The following PCNX1 variants were observed in gnomAD, a reference collection of about 807,000 sequenced individuals.
PCNX1 encodes pecanex-like protein 1.
Under a neutral mutation model 242.2 loss-of-function variants are expected in PCNX1, and 78 were observed. The ratio of observed to expected loss-of-function variants is 0.32; its 90% CI spans 0.27 to 0.39. The LOEUF (loss-of-function observed/expected upper bound fraction) is 0.39. PCNX1 is among the 10% of genes least tolerant of loss of function. The pLI, the probability that PCNX1 is intolerant of heterozygous loss-of-function variation, is 1.00. For synonymous variants in PCNX1, 1,024 were observed against 1,032.9 expected (o/e 0.99, Z 0.17); for missense variants, 2,581 against 2,856.5 (o/e 0.90, Z 2.20).
intron 26 of PCNX1, among the ~76,000 whole-genome samples, chr14:71,061,796 G>A (rs761960857): frequency 6.6e-6 from 1 of 152,142 alleles, no homozygotes; most frequent in Non-Finnish European, 1.5e-5. Context: ...ACCATGGTGT[G>A]GACAAGGATG....
Position 70,962,244 on chromosome 14 carries a change from T to G in PCNX1, c.381T>G (p.Ile127Met). Reference sequence around the variant, plus strand: ...TCCACAGTGATCCTGGTGGAGGGATTGAAATGTCTGAGTTCATCCGAGAGG... The same window carrying G: ...TCCACAGTGATCCTGGTGGAGGGATGGAAATGTCTGAGTTCATCCGAGAGG... ...SNGPSDPGGG[I>M]EMSEFIREAT... Residue 127 changes from isoleucine (I) to methionine (M), a missense_variant, in exon 3 of 36, where the codon ATT becomes ATG. Ile to Met is a conservative substitution (Grantham distance 10). Coordinates refer to ENST00000304743, the MANE Select transcript of PCNX1 (RefSeq NM_014982.3). The G allele has an allele frequency of 6.2e-7, 1 of 1,610,178 alleles. No individual in the cohort carries two copies. Among genetic ancestry groups the G allele is most frequent in the Non-Finnish European group, 8.5e-7 (1 of 1,176,420 alleles).
At chr14:71,102,259 A>C in intron 31 of PCNX1, 39 bp downstream of exon 31, 1 of 1,497,412 alleles carries the variant, frequency 6.7e-7, no homozygotes, top group Non-Finnish European at 9.3e-7. Flanking sequence ...AAAACATAGA[A>C]GTTGAATAAC....
intron 13 of PCNX1, among the ~76,000 whole-genome samples, chr14:71,024,055 G>T (rs1449779868): frequency 6.6e-6 from 1 of 152,046 alleles, no homozygotes; most frequent in Non-Finnish European, 1.5e-5. Context: ...AGTTGGAAGG[G>T]CAGTACAAAG....
At chr14:70,920,263 GC>G (rs2056326921) in intron 1 of PCNX1, among the ~76,000 whole-genome samples, 1 of 152,154 alleles carries the variant, frequency 6.6e-6, no homozygotes, top group East Asian at 1.9e-4. Flanking sequence ...TAACATTAGT[GC>G]AATGCTATTA....
chr14:71,050,132 T>C (rs1263640841), intron 22 of PCNX1, among the ~76,000 whole-genome samples: 1 of 151,766 alleles, frequency 6.6e-6, no homozygotes, highest in Non-Finnish European at 1.5e-5. Context: ...ATATATGTAT[T>C]ACTTAAGCTT....
Position 70,907,696 on chromosome 14 carries a change from G to C in PCNX1, c.-155G>C. 1.1e-6 allele frequency: 1 copy of C among 917,986 alleles called. No individual in the cohort carries two copies. The highest frequency in any genetic ancestry group is 1.7e-5 in the African/African-American group (1 of 57,152). The allele number at this position is 917,986 out of a possible 1,614,324, so 56.9% of individuals were successfully genotyped here. A position where few individuals can be genotyped will look rare whatever the true frequency, so the allele number is the denominator to read the frequency against. On this transcript the variant is annotated 5_prime_UTR_variant, in exon 1 of 36. Transcript: ENST00000304743. ...TTTGCTGCCTCCTCCTCCTCCTGCA[G>C]CAGCACCAGCGACCGCCGAAGCGCC...
chr14:71,073,424 C>A (rs1045208465), intron 26 of PCNX1, 121 bp from the exon 27 acceptor site: 3 of 928,674 alleles, frequency 3.2e-6, no homozygotes, highest in African/African-American at 3.3e-5. Context: ...TAAGGCAAAT[C>A]CATCACATAC....
chr14:70,995,512 A>G (rs1322579244), intron 7 of PCNX1, among the ~76,000 whole-genome samples: 1 of 152,180 alleles, frequency 6.6e-6, no homozygotes, highest in Non-Finnish European at 1.5e-5. Context: ...ACCAATTTAC[A>G]TGTACATTTA....
At position 70,907,826 on chromosome 14, in the gene PCNX1, G is replaced by GCGACGGCGGCGGCGC. The variant is rs2055626672; in HGVS notation, c.-22_-8dup. On this transcript the variant is annotated 5_prime_UTR_variant, in exon 1 of 36. Coordinates refer to ENST00000304743, the MANE Select transcript of PCNX1 (RefSeq NM_014982.3). ...GGCGGGGACGGCGGCGGCGGCGGCGGCGACGGCGGCGGCGCCGGGTGGGGA... is the reference window on the plus strand; with the variant it reads ...GGCGGGGACGGCGGCGGCGGCGGCGGCGACGGCGGCGGCGCCGACGGCGGCGGCGCCGGGTGGGGA... The GCGACGGCGGCGGCGC allele has an allele frequency of 8.0e-7, 1 of 1,254,240 alleles. No homozygotes were observed. The allele number at this position is 1,254,240 out of a possible 1,614,324, so 77.7% of individuals were successfully genotyped here. A position where few individuals can be genotyped will look rare whatever the true frequency, so the allele number is the denominator to read the frequency against.
intron 19 of PCNX1, 77 bp downstream of exon 19, chr14:71,036,234 A>C: frequency 1.1e-6 from 1 of 884,358 alleles, no homozygotes. Flanking sequence ...GCTGGAGTGC[A>C]GTGTTGCGAT....
At chr14:70,912,978 G>C (rs1210645896) in intron 1 of PCNX1, among the ~76,000 whole-genome samples, 4 of 152,194 alleles carry the variant, frequency 2.6e-5, no homozygotes, top group Non-Finnish European at 5.9e-5. Flanking sequence ...CACAGAGGCT[G>C]AGCCTGATAA....
chr14:71,025,914 T>C (rs2060231548), intron 13 of PCNX1, among the ~76,000 whole-genome samples: 1 of 152,070 alleles, frequency 6.6e-6, no homozygotes. Flanking sequence ...CACACTGATA[T>C]TTCTGTTTCA....
chr14:70,972,612 C>G (rs937886287), intron 5 of PCNX1, among the ~76,000 whole-genome samples: 1 of 152,176 alleles, frequency 6.6e-6, no homozygotes, highest in African/African-American at 2.4e-5. Flanking sequence ...GGTACTCTTA[C>G]TCCTCTGGTT....
At chr14:70,994,955 C>T (rs907170127) in intron 7 of PCNX1, among the ~76,000 whole-genome samples, 1 of 151,774 alleles carries the variant, frequency 6.6e-6, no homozygotes, top group African/African-American at 2.4e-5. Context: ...ACTAGTTTCC[C>T]AATTATTTTA....
intron 35 of PCNX1, 44 bp downstream of exon 35, chr14:71,109,636 T>C (rs1470782612): frequency 1.2e-6 from 2 of 1,610,462 alleles, no homozygotes; most frequent in Non-Finnish European, 1.7e-6. Flanking sequence ...CTGCCTTTTT[T>C]GAAGTCCGCC....
intron 9 of PCNX1, among the ~76,000 whole-genome samples, chr14:71,010,804 T>C (rs1200068698): frequency 1.3e-5 from 2 of 152,108 alleles, no homozygotes; most frequent in Non-Finnish European, 2.9e-5. Flanking sequence ...TTTTTTTGTT[T>C]TGAGGGACCA....
In PCNX1 at chr14:71,019,893, G is replaced by A. The variant is rs551676214; in HGVS notation, c.3150+731G>A. Among the ~76,000 whole-genome samples the A allele has an allele frequency of 1.1e-4, 16 of 151,966 alleles. 1 individual carries two copies. The East Asian group carries it at 1.4e-3, about 13-fold the overall frequency. ...CATCCCACCATGCACCCATCAACCCGTCATCTACATTAGGTATTTCTCCTA... is the reference window on the plus strand; with the variant it reads ...CATCCCACCATGCACCCATCAACCCATCATCTACATTAGGTATTTCTCCTA... On this transcript the variant is annotated intron_variant, in intron 12 of 35. Transcript: ENST00000304743.
chr14:71,021,211 T>C (rs972212070), intron 12 of PCNX1, among the ~76,000 whole-genome samples: 1 of 151,952 alleles, frequency 6.6e-6, no homozygotes, highest in Admixed American at 6.6e-5. Flanking sequence ...TCCAGCTTTA[T>C]TTTTTTTGCT....
intron 2 of PCNX1, among the ~76,000 whole-genome samples, chr14:70,953,728 G>T (rs2057884342): frequency 6.8e-6 from 1 of 147,500 alleles, no homozygotes; most frequent in Non-Finnish European, 1.5e-5. Context: ...GGAGTGCAGT[G>T]GCACAGTCTC....
Sources: allele counts gnomAD v4.1 joint callset (sites outside exome capture counted in the v4.1 genomes callset), GRCh38; gene constraint gnomAD v4.1.1; transcripts MANE v1.5; gene names NCBI Gene and HGNC (gene_info 2026-07-23, HGNC 2026-07-21).